Variants in SEMA5A observed in about 807,000 individuals in gnomAD.
The protein encoded by SEMA5A is semaphorin 5A.
SEMA5A carries 55 observed loss-of-function variants against 135.5 expected under a neutral mutation model. That is an observed-to-expected ratio of 0.41 (90% CI 0.33 to 0.51). The LOEUF is 0.51. Ranked by LOEUF, SEMA5A falls within the 20% of genes least tolerant of loss-of-function variation. The pLI is 0.37. For synonymous variants in SEMA5A, 580 were observed against 546.5 expected (o/e 1.06, Z -0.85); for missense variants, 1,290 against 1,419.9 (o/e 0.91, Z 1.47).
intron 2 of SEMA5A, among the ~76,000 whole-genome samples, chr5:9,428,087 T>G (rs1296829617): frequency 4.8e-5 from 1 of 20,862 alleles, no homozygotes; most frequent in Non-Finnish European, 1.1e-4. Context: ...TATATGTGTG[T>G]GTATATATAT....
intron 16 of SEMA5A, among the ~76,000 whole-genome samples, chr5:9,085,235 A>T (rs895804569): frequency 4.6e-5 from 7 of 152,234 alleles, no homozygotes; most frequent in African/African-American, 1.7e-4. Flanking sequence ...GGAGAAATTT[A>T]AGCCAACTGC....
chr5:9,367,208 A>G (rs1754954475), intron 3 of SEMA5A: 2 of 152,254 alleles, frequency 1.3e-5, no homozygotes, highest in Admixed American at 6.5e-5. Context: ...TAACATTTCA[A>G]TCCTCAACAG....
chr5:9,305,619 C>A (rs966473493), intron 5 of SEMA5A, among the ~76,000 whole-genome samples: 1 of 151,450 alleles, frequency 6.6e-6, no homozygotes, highest in Non-Finnish European at 1.5e-5. Context: ...TACGCCAAAA[C>A]CCATATAAAA....
intron 5 of SEMA5A, among the ~76,000 whole-genome samples, chr5:9,277,871 A>G (rs759555767): frequency 5.9e-5 from 9 of 152,042 alleles, no homozygotes; most frequent in Non-Finnish European, 1.3e-4. Flanking sequence ...TGATAGGTTG[A>G]TGGGTGCAGC....
chr5:9,485,033 T>C (rs1266762622), intron 1 of SEMA5A, among the ~76,000 whole-genome samples: 1 of 152,192 alleles, frequency 6.6e-6, no homozygotes, highest in Non-Finnish European at 1.5e-5. Context: ...ACAGAAGATA[T>C]ATAATTTGTT....
intron 1 of SEMA5A, among the ~76,000 whole-genome samples, chr5:9,448,243 C>T (rs1758504520): frequency 6.6e-6 from 1 of 152,188 alleles, no homozygotes; most frequent in Admixed American, 6.5e-5. Flanking sequence ...CAGGAAAGTT[C>T]TAAGTTCACC....
At chr5:9,182,067 A>G (rs1353880613) in intron 11 of SEMA5A, among the ~76,000 whole-genome samples, 2 of 151,898 alleles carry the variant, frequency 1.3e-5, no homozygotes, top group African/African-American at 4.8e-5. Flanking sequence ...TTACCACTGA[A>G]AGCCCTGCCT....
chr5:9,122,890 A>G, intron 13 of SEMA5A, 53 bp from the exon 14 acceptor site: 1 of 1,416,258 alleles, frequency 7.1e-7, no homozygotes, highest in South Asian at 1.5e-5. Context: ...CTGAACACAT[A>G]ATGGAGTAAA....
At chr5:9,509,707 G>A (rs1736103752) in intron 1 of SEMA5A, among the ~76,000 whole-genome samples, 1 of 152,176 alleles carries the variant, frequency 6.6e-6, no homozygotes, top group South Asian at 2.1e-4. Context: ...AGAAGCCTCA[G>A]AATTTCATCT....
chr5:9,280,651 G>A (rs1307371424), intron 5 of SEMA5A: 1 of 219,464 alleles, frequency 4.6e-6, no homozygotes, highest in Non-Finnish European at 9.6e-6. Flanking sequence ...CAGTTATTTT[G>A]GTACATAGGC....
chr5:9,212,994 T>C (rs3892835), intron 8 of SEMA5A, among the ~76,000 whole-genome samples: 4,474 of 152,294 alleles, frequency 0.029, 236 homozygotes, highest in African/African-American at 0.1. Context: ...CAGGCACCAG[T>C]AGATGTGGTG....
In SEMA5A at chr5:9,507,765, G is replaced by A. The variant is rs554142924; in HGVS notation, c.-175+37819C>T. Among the ~76,000 whole-genome samples, 4 of 152,248 alleles carry A rather than the reference G, an allele frequency of 2.6e-5. No individual in the cohort carries two copies. The East Asian group carries it at 7.8e-4, about 30-fold the overall frequency. On this transcript the variant is annotated intron_variant, in intron 1 of 22. Coordinates refer to ENST00000382496, the MANE Select transcript of SEMA5A (RefSeq NM_003966.3). ...CTCGCCTGTAATCCCAGCACTTTGG[G>A]AGGCCGAGGCGGGCGGATCACGAGG... is the stretch of plus-strand genomic sequence containing the variant.
chr5:9,215,095 G>A (rs1319289185), intron 8 of SEMA5A, among the ~76,000 whole-genome samples: 2 of 152,216 alleles, frequency 1.3e-5, no homozygotes, highest in African/African-American at 2.4e-5. Flanking sequence ...ACAGCCCTCT[G>A]CCCTGGGCAA....
intron 5 of SEMA5A, among the ~76,000 whole-genome samples, chr5:9,291,241 G>A (rs1350399595): frequency 6.6e-6 from 1 of 152,146 alleles, no homozygotes; most frequent in African/African-American, 2.4e-5. Context: ...AACAAGTTCT[G>A]GATGCGGCAG....
intron 4 of SEMA5A, among the ~76,000 whole-genome samples, chr5:9,325,261 C>A (rs1752819305): frequency 6.6e-6 from 1 of 150,472 alleles, no homozygotes; most frequent in Admixed American, 6.6e-5. Context: ...TTCTCAAATG[C>A]CATGGAATAA....
At chr5:9,207,167 A>G (rs1164008946) in intron 8 of SEMA5A, among the ~76,000 whole-genome samples, 2 of 144,748 alleles carry the variant, frequency 1.4e-5, no homozygotes, top group Admixed American at 7.0e-5. Flanking sequence ...TTAGGAGCAT[A>G]AATAAGTCAT....
At chr5:9,286,103 T>C (rs2150574340) in intron 5 of SEMA5A, among the ~76,000 whole-genome samples, 1 of 152,254 alleles carries the variant, frequency 6.6e-6, no homozygotes, top group Admixed American at 6.5e-5. Flanking sequence ...TAAGTGATAT[T>C]TATATCTTTG....
chr5:9,315,918 C>T (rs1005639216), intron 5 of SEMA5A, among the ~76,000 whole-genome samples: 36 of 152,116 alleles, frequency 2.4e-4, no homozygotes, highest in African/African-American at 8.7e-4. Flanking sequence ...GAATAAATAT[C>T]CTGGCTGTCA....
chr5:9,421,511 T>C (rs1050156790), intron 2 of SEMA5A, among the ~76,000 whole-genome samples: 1 of 152,230 alleles, frequency 6.6e-6, no homozygotes, highest in African/African-American at 2.4e-5. Flanking sequence ...ATATATTATA[T>C]ACGGGTGTTT....
Sources: gnomAD v4.1 joint callset for allele counts (sites outside exome capture counted in the v4.1 genomes callset) on GRCh38, gnomAD v4.1.1 for gene constraint, MANE v1.5 for transcripts, NCBI Gene and HGNC (gene_info 2026-07-23, HGNC 2026-07-21) for gene names.